The following TMEM163 variants were observed in gnomAD, a reference collection of about 807,000 sequenced individuals.
The protein encoded by TMEM163 is transmembrane protein 163.
TMEM163 carries 17 observed loss-of-function variants against 29.3 expected under a neutral mutation model. That is an observed-to-expected ratio of 0.58 (90% confidence interval 0.40 to 0.87). The LOEUF is 0.87. Among genes scored for constraint, TMEM163 ranks in the 40% least tolerant of loss-of-function variants. TMEM163 has a pLI of 0.00. For missense variants in TMEM163, 303 were observed against 381.5 expected (o/e 0.79, Z 1.71); for synonymous variants, 157 against 160.6 (o/e 0.98, Z 0.17).
At chr2:134,462,021 A>G (rs543475044) in intron 6 of TMEM163, among the ~76,000 whole-genome samples, 33 of 152,304 alleles carry the variant, frequency 2.2e-4, no homozygotes, top group Admixed American at 1.7e-3. Context: ...CAGATCCCAG[A>G]TAGTACAATT....
At chr2:134,628,916 G>A (rs1558970010) in intron 2 of TMEM163, among the ~76,000 whole-genome samples, 1 of 152,170 alleles carries the variant, frequency 6.6e-6, no homozygotes, top group Admixed American at 6.5e-5. Context: ...TTGATATCAT[G>A]GCACAGGGTA....
chr2:134,557,472 T>C (rs1276579970), intron 2 of TMEM163, among the ~76,000 whole-genome samples: 1 of 152,166 alleles, frequency 6.6e-6, no homozygotes, highest in African/African-American at 2.4e-5. Flanking sequence ...CAGGCACAGC[T>C]TGGTTTTATA....
intron 2 of TMEM163, among the ~76,000 whole-genome samples, chr2:134,679,140 G>A (rs1684179098): frequency 6.6e-6 from 1 of 152,198 alleles, no homozygotes; most frequent in African/African-American, 2.4e-5. Context: ...TGGCTGATAG[G>A]GACATCCAGA....
At chr2:134,612,265 T>C (rs1047771870) in intron 2 of TMEM163, among the ~76,000 whole-genome samples, 3 of 152,222 alleles carry the variant, frequency 2.0e-5, no homozygotes, top group African/African-American at 7.2e-5. Flanking sequence ...CAGTAGTTGT[T>C]TGACATCACA....
At chr2:134,478,141 A>G (rs921096956) in intron 5 of TMEM163, among the ~76,000 whole-genome samples, 29 of 152,194 alleles carry the variant, frequency 1.9e-4, no homozygotes, top group African/African-American at 6.5e-4. Flanking sequence ...GATTGTAAGC[A>G]TCCTCAGGCC....
chr2:134,714,687 A>T (rs887473003), intron 1 of TMEM163, among the ~76,000 whole-genome samples: 1 of 152,242 alleles, frequency 6.6e-6, no homozygotes, highest in African/African-American at 2.4e-5. Flanking sequence ...CACAGAATCA[A>T]AAGGGAGATG....
intron 5 of TMEM163, among the ~76,000 whole-genome samples, chr2:134,502,387 C>G (rs1409415317): frequency 6.6e-6 from 1 of 152,160 alleles, no homozygotes; most frequent in African/African-American, 2.4e-5. Context: ...GGTAATGACT[C>G]TCACCCAGAG....
At position 134,518,250 on chromosome 2, in the gene TMEM163, G is replaced by A. The variant is rs116646545; in HGVS notation, c.459-15253C>T. 7.4e-3 allele frequency among the ~76,000 whole-genome samples: 1,126 copies of A among 152,290 alleles called. 16 individuals carry two copies. Among genetic ancestry groups the A allele is most frequent in the African/African-American group, 0.025 (1,054 of 41,560 alleles). ...TCTTAGAGCTTTCACCTAGAAGGGC[G>A]AGTTTCTGAAAATTCTGGAATATCA... is the stretch of plus-strand genomic sequence containing the variant. On this transcript the variant is annotated intron_variant, in intron 4 of 7. Transcript: ENST00000281924.
At chr2:134,681,390 C>T (rs1465070588) in intron 2 of TMEM163, among the ~76,000 whole-genome samples, 3 of 152,320 alleles carry the variant, frequency 2.0e-5, no homozygotes, top group East Asian at 1.9e-4. Context: ...CCACACAAAC[C>T]GCATTCCAGT....
At chr2:134,690,227 G>A (rs1205364142) in intron 2 of TMEM163, among the ~76,000 whole-genome samples, 3 of 150,578 alleles carry the variant, frequency 2.0e-5, no homozygotes, top group East Asian at 2.0e-4. Context: ...CACCGTACCC[G>A]GCCTCTTTGC....
chr2:134,667,823 C>T (rs974634586), intron 2 of TMEM163, among the ~76,000 whole-genome samples: 1 of 152,192 alleles, frequency 6.6e-6, no homozygotes, highest in African/African-American at 2.4e-5. Flanking sequence ...GTTACATCTC[C>T]TGAAATAGGA....
intron 4 of TMEM163, among the ~76,000 whole-genome samples, chr2:134,542,325 A>AT (rs1248775790): frequency 6.6e-6 from 1 of 152,184 alleles, no homozygotes; most frequent in African/African-American, 2.4e-5. Context: ...GTTCTGAAAG[A>AT]TGAATAAATC....
intron 2 of TMEM163, among the ~76,000 whole-genome samples, chr2:134,613,628 A>C (rs531881251): frequency 6.6e-6 from 1 of 152,212 alleles, no homozygotes; most frequent in Non-Finnish European, 1.5e-5. Flanking sequence ...GAAAAAAAAC[A>C]AAAACAAAAT....
intron 2 of TMEM163, among the ~76,000 whole-genome samples, chr2:134,614,784 G>A (rs1682572077): frequency 6.6e-6 from 1 of 152,016 alleles, no homozygotes; most frequent in African/African-American, 2.4e-5. Flanking sequence ...AACCTGGGAG[G>A]TGGAGGTTGC....
At chr2:134,620,657 G>A (rs1257840057) in intron 2 of TMEM163, among the ~76,000 whole-genome samples, 3 of 152,212 alleles carry the variant, frequency 2.0e-5, no homozygotes, top group Non-Finnish European at 4.4e-5. Flanking sequence ...AGAGTGCAGG[G>A]AGGAAAAATC....
At chr2:134,605,566 C>T (rs1274702647) in intron 2 of TMEM163, among the ~76,000 whole-genome samples, 1 of 152,064 alleles carries the variant, frequency 6.6e-6, no homozygotes, top group East Asian at 1.9e-4. Flanking sequence ...GGCATGGTGG[C>T]AGGCGCCTGT....
chr2:134,659,055 A>G (rs1453971609), intron 2 of TMEM163, among the ~76,000 whole-genome samples: 1 of 152,224 alleles, frequency 6.6e-6, no homozygotes, highest in African/African-American at 2.4e-5. Context: ...TAGATGGGAT[A>G]GCGTACTGCA....
At chr2:134,686,234 G>A (rs1033874994) in intron 2 of TMEM163, among the ~76,000 whole-genome samples, 12 of 152,202 alleles carry the variant, frequency 7.9e-5, no homozygotes, top group Non-Finnish European at 1.5e-5. Flanking sequence ...GGAAAGGCTG[G>A]GGAAAAGAAA....
chr2:134,677,959 C>T (rs906537006), intron 2 of TMEM163, among the ~76,000 whole-genome samples: 1 of 152,206 alleles, frequency 6.6e-6, no homozygotes, highest in Non-Finnish European at 1.5e-5. Context: ...CACCCCTCCA[C>T]GTTCCAGTAA....
Sources: allele counts gnomAD v4.1 joint callset (sites outside exome capture counted in the v4.1 genomes callset), GRCh38; gene constraint gnomAD v4.1.1; transcripts MANE v1.5; gene names NCBI Gene and HGNC (gene_info 2026-07-23, HGNC 2026-07-21).